The following ZKSCAN5 variants were observed in gnomAD, a reference collection of about 807,000 sequenced individuals.
ZKSCAN5 encodes the protein zinc finger with KRAB and SCAN domains 5.
Under a neutral mutation model 60.0 loss-of-function variants are expected in ZKSCAN5, and 28 were observed. The observed-to-expected ratio is 0.47, with a 90% CI of 0.35 to 0.64. The LOEUF (loss-of-function observed/expected upper bound fraction) is 0.64, where lower values mean the gene tolerates loss of function less well. ZKSCAN5 is among the 30% of genes least tolerant of loss of function. ZKSCAN5 has a pLI of 0.01. For missense variants in ZKSCAN5, 881 were observed against 1,034.6 expected, an observed-to-expected ratio of 0.85 and a Z score of 2.04; for synonymous variants, 361 against 371.2, an observed-to-expected ratio of 0.97 and a Z score of 0.31.
Position 99,531,744 on chromosome 7 carries a change from A to G in ZKSCAN5, c.2015A>G (p.Gln672Arg). 2 of 1,614,170 alleles carry G rather than the reference A, an allele frequency of 1.2e-6. No homozygotes were observed. Among genetic ancestry groups the G allele is most frequent in the African/African-American group, 1.3e-5 (1 of 75,056 alleles). The change falls in exon 7 of 7, where the codon CAG becomes CGG. Residue 672 changes from glutamine to arginine, a missense_variant. Physicochemically the swap from Gln to Arg is conservative, Grantham distance 43 (BLOSUM62 1). This residue lies in a region of ZKSCAN5 where 112 missense variants were observed against 182.4 expected (regional missense o/e 0.61). Coordinates refer to ENST00000326775, the MANE Select transcript of ZKSCAN5 (RefSeq NM_145102.4). ...QCRECGEIFF[Q>R]YVSLIEHQVL... ...CGTGAATGTGGGGAAATCTTTTTTC[A>G]GTACGTTAGCCTAATTGAACATCAG...
At chr7:99,527,780 G>A (rs976874147) in intron 6 of ZKSCAN5, among the ~76,000 whole-genome samples, 20 of 152,128 alleles carry the variant, frequency 1.3e-4, no homozygotes, top group African/African-American at 4.8e-4. Flanking sequence ...TGCCTCCCAG[G>A]TTCAAGCGAT....
Position 99,533,766 on chromosome 7 carries a change from A to G in ZKSCAN5, c.*1517A>G. Reference sequence around the variant, plus strand: ...CCGTGCTAAGCTCTCTCCCTTCTCTATCCTGTTTCATTCCCTCCCTCAAAG... The same window carrying G: ...CCGTGCTAAGCTCTCTCCCTTCTCTGTCCTGTTTCATTCCCTCCCTCAAAG... On this transcript the variant is annotated 3_prime_UTR_variant, in exon 7 of 7. Coordinates refer to ENST00000326775, the MANE Select transcript of ZKSCAN5 (RefSeq NM_145102.4). 2 of 397,478 alleles carry G rather than the reference A, an allele frequency of 5.0e-6. No homozygotes were observed. The highest frequency in any genetic ancestry group is 1.4e-4 in the South Asian group (1 of 7,076). The allele number at this position is 397,478 out of a possible 1,614,324, so 24.6% of individuals were successfully genotyped here.
rs1003590920 is a variant in ZKSCAN5, at chr7:99,534,174, T to C, written c.*1925T>C. ...ATGACAGGGCAAATAACCACCAATT[T>C]AATGCCAAGTGTGTGTCAGAGGACC... On this transcript the variant is annotated 3_prime_UTR_variant, in exon 7 of 7. Coordinates refer to ENST00000326775, the MANE Select transcript of ZKSCAN5 (RefSeq NM_145102.4). The C allele has an allele frequency of 6.6e-6, 1 of 152,220 alleles. No homozygotes were observed. The highest frequency in any genetic ancestry group is 1.5e-5 in the Non-Finnish European group (1 of 68,060). The allele number at this position is 152,220 out of a possible 1,614,324, so 9.4% of individuals were successfully genotyped here. A position where few individuals can be genotyped will look rare whatever the true frequency, so the allele number is the denominator to read the frequency against.
At chr7:99,522,337 T>C in intron 5 of ZKSCAN5, among the ~76,000 whole-genome samples, 1 of 152,130 alleles carries the variant, frequency 6.6e-6, no homozygotes, top group East Asian at 1.9e-4. Flanking sequence ...GAACAAGAGA[T>C]AGTTTCTTTG....
chr7:99,533,390 C>G lies in ZKSCAN5; in HGVS notation c.*1141C>G. ...GGGAGAGTGAGTGAGTGCTCTTGGGCACTGCTCAGGCCGTTTCTGCTGACT... is the reference window on the plus strand; with the variant it reads ...GGGAGAGTGAGTGAGTGCTCTTGGGGACTGCTCAGGCCGTTTCTGCTGACT... On this transcript the variant is annotated 3_prime_UTR_variant, in exon 7 of 7. Coordinates refer to ENST00000326775, the MANE Select transcript of ZKSCAN5 (RefSeq NM_145102.4). The G allele has an allele frequency of 1.8e-6, 1 of 564,296 alleles. No homozygotes were observed. The allele number at this position is 564,296 out of a possible 1,614,324, so 35.0% of individuals were successfully genotyped here. A position where few individuals can be genotyped will look rare whatever the true frequency, so the allele number is the denominator to read the frequency against.
chr7:99,521,279 C>A (rs1315938046), intron 5 of ZKSCAN5, among the ~76,000 whole-genome samples: 1 of 152,156 alleles, frequency 6.6e-6, no homozygotes, highest in Non-Finnish European at 1.5e-5. Context: ...CTCCCTGCAA[C>A]CTCTGCCTCC....
Position 99,533,406 on chromosome 7 carries a change from T to C in ZKSCAN5, c.*1157T>C, listed in dbSNP as rs1772623055. ...GCTCTTGGGCACTGCTCAGGCCGTTTCTGCTGACTTGCCTGGCTTACAATA... is the reference window on the plus strand; with the variant it reads ...GCTCTTGGGCACTGCTCAGGCCGTTCCTGCTGACTTGCCTGGCTTACAATA... On this transcript the variant is annotated 3_prime_UTR_variant, in exon 7 of 7. Transcript: ENST00000326775. 3.7e-6 allele frequency: 2 copies of C among 538,574 alleles called. No individual in the cohort carries two copies. The highest frequency in any genetic ancestry group is 6.8e-6 in the Non-Finnish European group (2 of 295,768). 33.4% of individuals were successfully genotyped at this position (538,574 alleles called of 1,614,324 possible).
chr7:99,530,365 A>G (rs1239373211), intron 6 of ZKSCAN5, among the ~76,000 whole-genome samples: 1 of 152,104 alleles, frequency 6.6e-6, no homozygotes, highest in Non-Finnish European at 1.5e-5. Context: ...CCATTCTTGC[A>G]GGAGTAAGGC....
In ZKSCAN5 at chr7:99,531,815, G is replaced by A. The variant is rs147717830; in HGVS notation, c.2086G>A (p.Glu696Lys). The change falls in exon 7 of 7, where the codon GAA (glutamate) becomes AAA (lysine). Residue 696 changes from glutamate (E) to lysine (K), a missense_variant. By Grantham distance (56) the Glu-to-Lys change is moderately conservative (BLOSUM62 1). Coordinates refer to ENST00000326775, the MANE Select transcript of ZKSCAN5 (RefSeq NM_145102.4). ...QKNEKNGICEEAYSWNLTVIE... is the reference protein window; with the variant it reads ...QKNEKNGICEKAYSWNLTVIE... ...AAATGAAAAAAATGGCATCTGTGAGGAAGCATATAGTTGGAACTTGACAGT... is the reference window on the plus strand; with the variant it reads ...AAATGAAAAAAATGGCATCTGTGAGAAAGCATATAGTTGGAACTTGACAGT... 1.3e-5 allele frequency: 21 copies of A among 1,614,076 alleles called. No homozygotes were observed. Among genetic ancestry groups the A allele is most frequent in the South Asian group, 2.2e-5 (2 of 91,088 alleles).
rs144944852 is a variant in ZKSCAN5, at chr7:99,529,744, T to C, written c.1379-1364T>C. On this transcript the variant is annotated intron_variant, in intron 6 of 6. Transcript: ENST00000326775. ...AACATCTATTGTTTTTTGACTTCTT[T>C]GTTTTTTTTGAGATGGAGTCTCGCT... Among the ~76,000 whole-genome samples the C allele has an allele frequency of 1.1e-4, 17 of 152,258 alleles. No homozygotes were observed. In the East Asian group the frequency reaches 3.3e-3, roughly 29 times the overall value.
At chr7:99,516,758 C>T (rs1288567531) in intron 3 of ZKSCAN5, among the ~76,000 whole-genome samples, 3 of 152,148 alleles carry the variant, frequency 2.0e-5, no homozygotes, top group Non-Finnish European at 4.4e-5. Flanking sequence ...TCCCCGATCT[C>T]CATTCCTACT....
rs1474733946 is a variant in ZKSCAN5 at position 99,526,103 on chromosome 7, TTCC to T, written c.1067_1069del (p.Leu356del). ...CAGATGCAGCGATTGTGGCAAATTC[TTCC>T]TCCAAGCCTCAAACTTTATTCAGCA... On this transcript the variant is annotated inframe_deletion, in exon 6 of 7. Transcript: ENST00000326775. The T allele has an allele frequency of 6.2e-7, 1 of 1,614,188 alleles. No homozygotes were observed. Among genetic ancestry groups the T allele is most frequent in the Non-Finnish European group, 8.5e-7 (1 of 1,180,042 alleles).
At chr7:99,516,044 G>C (rs1562907098) in intron 3 of ZKSCAN5, among the ~76,000 whole-genome samples, 1 of 151,360 alleles carries the variant, frequency 6.6e-6, no homozygotes, top group Non-Finnish European at 1.5e-5. Flanking sequence ...CTGGAGTGTA[G>C]TGGCGTGACT....
At position 99,519,832 on chromosome 7, in the gene ZKSCAN5, C is replaced by G. The variant is rs542788231; in HGVS notation, c.559C>G (p.Pro187Ala). ...KPRLLEENAL[P>A]VLQVPSLPLK... ...CTCTTTTTCTCCTCCCTTAGCCCTTCCTGTTCTCCAAGTTCCTTCCCTTCC... is the reference window on the plus strand; with the variant it reads ...CTCTTTTTCTCCTCCCTTAGCCCTTGCTGTTCTCCAAGTTCCTTCCCTTCC... The change falls in exon 4 of 7, where the codon CCT becomes GCT. Residue 187 changes from proline (P) to alanine (A), a missense_variant. Transcript: ENST00000326775. 1 of 1,613,958 alleles carries G rather than the reference C, an allele frequency of 6.2e-7. No homozygotes were observed. Among genetic ancestry groups the G allele is most frequent in the African/African-American group, 1.3e-5 (1 of 75,050 alleles).
intron 3 of ZKSCAN5, among the ~76,000 whole-genome samples, chr7:99,516,754 A>G (rs1801283440): frequency 6.6e-6 from 1 of 151,996 alleles, no homozygotes; most frequent in South Asian, 2.1e-4. Flanking sequence ...TGTCTCCCCG[A>G]TCTCCATTCC....
intron 6 of ZKSCAN5, 137 bp from the exon 7 acceptor site, chr7:99,530,971 C>G: frequency 1.4e-6 from 1 of 723,014 alleles, no homozygotes; most frequent in Non-Finnish European, 2.2e-6. Flanking sequence ...GCAGGAGAAT[C>G]ACTTGAACCC....
chr7:99,527,298 GC>G (rs1166549872), intron 6 of ZKSCAN5, among the ~76,000 whole-genome samples: 3 of 152,190 alleles, frequency 2.0e-5, no homozygotes, highest in Non-Finnish European at 4.4e-5. Context: ...TCTGTGAATA[GC>G]CACTGCACTC....
chr7:99,526,093 T>C lies in ZKSCAN5; in HGVS notation c.1053T>C (p.Cys351=). The change falls in exon 6 of 7, where the codon TGT becomes TGC. Residue 351 remains cysteine, a synonymous_variant. Coordinates refer to ENST00000326775, the MANE Select transcript of ZKSCAN5 (RefSeq NM_145102.4). ...AGAGAGGGCACAGATGCAGCGATTG[T>C]GGCAAATTCTTCCTCCAAGCCTCAA... is the stretch of plus-strand genomic sequence containing the variant. The part of the protein sequence containing the change: ...HGERGHRCSD[C]GKFFLQASNF... 1.2e-6 allele frequency: 2 copies of C among 1,614,194 alleles called. No individual in the cohort carries two copies. Among genetic ancestry groups the C allele is most frequent in the Admixed American group, 1.7e-5 (1 of 60,014 alleles).
chr7:99,522,647 C>T (rs1224043335), intron 5 of ZKSCAN5, among the ~76,000 whole-genome samples: 1 of 151,508 alleles, frequency 6.6e-6, no homozygotes, highest in African/African-American at 2.4e-5. Flanking sequence ...CCACCACAGC[C>T]GCCTAATTTT....
Sources: gnomAD v4.1 joint callset for allele counts (sites outside exome capture counted in the v4.1 genomes callset) on GRCh38, gnomAD v4.1.1 for gene constraint, gnomAD v4.1.1 regional missense constraint, MANE v1.5 for transcripts, NCBI Gene and HGNC (gene_info 2026-07-23, HGNC 2026-07-21) for gene names.